GRAMD1B: variants seen among roughly 807,000 people sequenced by gnomAD.
GRAMD1B encodes the protein protein Aster-B.
GRAMD1B carries 37 observed loss-of-function variants against 99.7 expected under a neutral mutation model. That is an observed-to-expected ratio of 0.37 (90% CI 0.29 to 0.49). The LOEUF is 0.49. GRAMD1B is among the 20% of genes least tolerant of loss of function. GRAMD1B has a pLI of 0.98. For missense variants in GRAMD1B, 888 were observed against 1,009.2 expected, an observed-to-expected ratio of 0.88 and a Z score of 1.63; for synonymous variants, 427 against 387.6, an observed-to-expected ratio of 1.10 and a Z score of -1.19.
intron 4 of GRAMD1B, among the ~76,000 whole-genome samples, chr11:123,589,157 G>T (rs1290512238): frequency 6.6e-6 from 1 of 151,266 alleles, no homozygotes; most frequent in Non-Finnish European, 1.5e-5. Flanking sequence ...GGGCTCAAAG[G>T]GTTTCATGTT....
intron 7 of GRAMD1B, chr11:123,597,980 T>A: frequency 8.2e-7 from 1 of 1,216,722 alleles, no homozygotes; most frequent in Non-Finnish European, 1.2e-6. Flanking sequence ...CTCATATGTC[T>A]TCTTATTCAC....
At chr11:123,420,683 C>T (rs572157895) in intron 1 of GRAMD1B, among the ~76,000 whole-genome samples, 6 of 152,254 alleles carry the variant, frequency 3.9e-5, no homozygotes, top group African/African-American at 4.8e-5. Context: ...TCTTCACAAA[C>T]GATGACAGGG....
intron 8 of GRAMD1B, among the ~76,000 whole-genome samples, chr11:123,602,398 T>G (rs180818258): frequency 6.2e-4 from 95 of 152,228 alleles, no homozygotes; most frequent in East Asian, 3.9e-3. Context: ...ATACTTTAAG[T>G]TTTAGGGTAC....
upstream of GRAMD1B, among the ~76,000 whole-genome samples, chr11:123,427,450 C>G (rs998958833): frequency 6.6e-6 from 1 of 152,180 alleles, no homozygotes; most frequent in Non-Finnish European, 1.5e-5. Context: ...TCACCATACA[C>G]ATAACAAGCA....
intron 2 of GRAMD1B, among the ~76,000 whole-genome samples, chr11:123,499,596 G>A (rs987301997): frequency 6.6e-6 from 1 of 152,182 alleles, no homozygotes; most frequent in Admixed American, 6.5e-5. Flanking sequence ...CCTCAGGCAT[G>A]TAAGCAATTA....
chr11:123,598,300 G>GTGGCCAAT, intron 7 of GRAMD1B: 1 of 1,284,600 alleles, frequency 7.8e-7, no homozygotes, highest in African/African-American at 1.5e-5. Flanking sequence ...AAGTGGCCAA[G>GTGGCCAAT]TGGCAGGTTT....
chr11:123,541,958 G>A (rs548891972), intron 2 of GRAMD1B, among the ~76,000 whole-genome samples: 1 of 152,154 alleles, frequency 6.6e-6, no homozygotes, highest in Non-Finnish European at 1.5e-5. Context: ...GACTTTGACA[G>A]TCATGTCCAT....
intron 2 of GRAMD1B, among the ~76,000 whole-genome samples, chr11:123,539,099 C>G (rs1038309882): frequency 3.3e-5 from 5 of 152,126 alleles, no homozygotes; most frequent in African/African-American, 1.2e-4. Context: ...GTGGCTCACA[C>G]CTGTAATCCC....
At chr11:123,619,345 C>A in intron 19 of GRAMD1B, 121 bp downstream of exon 19, 1 of 1,525,984 alleles carries the variant, frequency 6.6e-7, no homozygotes, top group African/African-American at 1.4e-5. Context: ...CCAATTCATT[C>A]TTCCTCCAGG....
intron 1 of GRAMD1B, among the ~76,000 whole-genome samples, chr11:123,367,407 G>A (rs1259904565): frequency 6.6e-6 from 1 of 152,212 alleles, no homozygotes; most frequent in Non-Finnish European, 1.5e-5. Flanking sequence ...GAACAGCCCA[G>A]TTGAATCTGA....
intron 1 of GRAMD1B, among the ~76,000 whole-genome samples, chr11:123,436,634 T>G (rs1949172396): frequency 6.6e-6 from 1 of 152,208 alleles, no homozygotes; most frequent in Non-Finnish European, 1.5e-5. Context: ...GCAACTACTT[T>G]CTGCTGTTCC....
In GRAMD1B at chr11:123,430,765, CA is replaced by C. The variant is rs1405454862; in HGVS notation, c.-27del. On this transcript the variant is annotated 5_prime_UTR_variant, in exon 1 of 20. Transcript: ENST00000635736. ...CGAACCAGGCCGCTGGCGGAGGGCT[CA>C]GGGGGAGCGCAGAGGCGACGGCCCC... is the stretch of plus-strand genomic sequence containing the variant. 1.1e-5 allele frequency: 7 copies of C among 648,990 alleles called. No homozygotes were observed. Among genetic ancestry groups the C allele is most frequent in the Non-Finnish European group, 1.7e-5 (6 of 361,904 alleles). 40.2% of individuals were successfully genotyped at this position (648,990 alleles called of 1,614,324 possible). A position where few individuals can be genotyped will look rare whatever the true frequency, so the allele number is the denominator to read the frequency against.
chr11:123,482,405 A>C (rs1237207879), intron 2 of GRAMD1B, among the ~76,000 whole-genome samples: 1 of 152,222 alleles, frequency 6.6e-6, no homozygotes, highest in African/African-American at 2.4e-5. Context: ...GCTCACTGTG[A>C]AGTCTTGAAA....
intron 2 of GRAMD1B, among the ~76,000 whole-genome samples, chr11:123,568,271 C>A (rs1285905606): frequency 6.6e-6 from 1 of 152,122 alleles, no homozygotes; most frequent in East Asian, 1.9e-4. Context: ...GGGGCATGGG[C>A]CGTGTGGACG....
chr11:123,498,017 C>G (rs548760854), intron 2 of GRAMD1B, among the ~76,000 whole-genome samples: 1 of 152,216 alleles, frequency 6.6e-6, no homozygotes, highest in Non-Finnish European at 1.5e-5. Context: ...GTGGCCACCA[C>G]CACCGGCCAA....
chr11:123,428,352 G>T (rs530592964), upstream of GRAMD1B, among the ~76,000 whole-genome samples: 2 of 152,188 alleles, frequency 1.3e-5, no homozygotes, highest in Non-Finnish European at 2.9e-5. Context: ...ACCTTGGCAG[G>T]CCTGACACCT....
chr11:123,494,674 C>A (rs1331781926), intron 2 of GRAMD1B, among the ~76,000 whole-genome samples: 2 of 152,100 alleles, frequency 1.3e-5, no homozygotes, highest in East Asian at 3.8e-4. Context: ...TCAGCAAACT[C>A]CTCTTATCTT....
chr11:123,513,864 C>T (rs1201515527), intron 2 of GRAMD1B, among the ~76,000 whole-genome samples: 1 of 151,842 alleles, frequency 6.6e-6, no homozygotes, highest in Non-Finnish European at 1.5e-5. Flanking sequence ...CTATGTTGCC[C>T]AGGCTGGTCT....
At chr11:123,454,692 G>A (rs2134401506) in intron 1 of GRAMD1B, 1 of 152,318 alleles carries the variant, frequency 6.6e-6, no homozygotes, top group Non-Finnish European at 1.5e-5. Flanking sequence ...TAAGTGAATA[G>A]AGGGCAGCAG....
Sources: gnomAD v4.1 joint callset for allele counts (sites outside exome capture counted in the v4.1 genomes callset) on GRCh38, gnomAD v4.1.1 for gene constraint, MANE v1.5 for transcripts, NCBI Gene and HGNC (gene_info 2026-07-23, HGNC 2026-07-21) for gene names.